Variants in PTPRO observed in about 807,000 individuals in gnomAD.
PTPRO encodes the protein receptor-type tyrosine-protein phosphatase O.
A neutral mutation model predicts 145.2 loss-of-function variants in PTPRO; 62 were observed. The ratio of observed to expected loss-of-function variants is 0.43; its 90% CI spans 0.35 to 0.53. The LOEUF is 0.53. PTPRO is among the 20% of genes least tolerant of loss of function. The pLI is 0.01. For synonymous variants in PTPRO, 565 were observed against 514.7 expected (o/e 1.10, Z -1.32); for missense variants, 1,345 against 1,482.7 (o/e 0.91, Z 1.53).
At chr12:15,512,196 C>G (rs1238582023) in intron 7 of PTPRO, among the ~76,000 whole-genome samples, 1 of 152,004 alleles carries the variant, frequency 6.6e-6, no homozygotes, top group Non-Finnish European at 1.5e-5. Context: ...CTCACTGCAA[C>G]CTCCACCTCC....
At chr12:15,405,410 T>A (rs1939619829) in intron 1 of PTPRO, among the ~76,000 whole-genome samples, 1 of 152,158 alleles carries the variant, frequency 6.6e-6, no homozygotes, top group Non-Finnish European at 1.5e-5. Flanking sequence ...CTTTTATCAT[T>A]TCAGTGTGGT....
At chr12:15,468,232 A>G (rs253818) in intron 1 of PTPRO, among the ~76,000 whole-genome samples, 3,189 of 152,192 alleles carry the variant, frequency 0.021, 120 homozygotes, top group East Asian at 0.14. Context: ...TCCACCCCCA[A>G]TAGGAATTCT....
At chr12:15,518,363 CA>C (rs1186884434) in intron 9 of PTPRO, among the ~76,000 whole-genome samples, 2 of 152,202 alleles carry the variant, frequency 1.3e-5, no homozygotes, top group Non-Finnish European at 2.9e-5. Context: ...GCCACAAAAC[CA>C]CATTTTCCTC....
At chr12:15,358,290 G>T (rs1020958158) in intron 1 of PTPRO, among the ~76,000 whole-genome samples, 2 of 149,304 alleles carry the variant, frequency 1.3e-5, no homozygotes, top group African/African-American at 4.9e-5. Flanking sequence ...GCTAAATGAC[G>T]AGTTAATGGG....
Position 15,516,809 on chromosome 12 carries a change from G to A in PTPRO, c.1632G>A (p.Thr544=), listed in dbSNP as rs751501495. The A allele has an allele frequency of 2.4e-5, 39 of 1,612,122 alleles. 1 individual carries two copies. The highest frequency in any genetic ancestry group is 1.8e-4 in the East Asian group (8 of 44,876). The part of the protein sequence containing the change: ...KDLMLYPLGP[T]AVVLSWTRPY... ...TAATGCTCTATCCTTTGGGTCCTAC[G>A]GCCGTGGTTCTGAGCTGGACCAGAC... The change falls in exon 9 of 27, where the codon ACG becomes ACA. Residue 544 remains threonine, a synonymous_variant. Coordinates refer to ENST00000281171, the MANE Select transcript of PTPRO (RefSeq NM_030667.3).
At chr12:15,454,312 G>A (rs1213073099) in intron 1 of PTPRO, among the ~76,000 whole-genome samples, 1 of 152,148 alleles carries the variant, frequency 6.6e-6, no homozygotes, top group African/African-American at 2.4e-5. Context: ...CTGATTGTAA[G>A]TGATGTTGAG....
rs770993845 is a variant in PTPRO at position 15,595,033 on chromosome 12, A to C, written c.3643A>C (p.Lys1215Gln). The C allele has an allele frequency of 1.2e-6, 2 of 1,613,136 alleles. No homozygotes were observed. Among genetic ancestry groups the C allele is most frequent in the Non-Finnish European group, 1.7e-6 (2 of 1,179,228 alleles). ...ISDVIYENVS[K>Q]S ...TGATGTCATATACGAGAATGTTAGC[A>C]AGTCCTAGTTCAGAATCCGGAGCAG... The change falls in exon 26 of 27, where the codon AAG becomes CAG. Residue 1215 changes from lysine (K) to glutamine (Q), a missense_variant. Lys to Gln is a moderately conservative substitution (Grantham distance 53, BLOSUM62 1). Coordinates refer to ENST00000281171, the MANE Select transcript of PTPRO (RefSeq NM_030667.3).
chr12:15,539,180 G>C (rs1943127065), intron 12 of PTPRO, among the ~76,000 whole-genome samples: 1 of 152,060 alleles, frequency 6.6e-6, no homozygotes, highest in Admixed American at 6.6e-5. Context: ...GAAGTGGGTG[G>C]ATGATGAGAA....
In PTPRO at chr12:15,515,611, T is replaced by C. The variant is rs755074605; in HGVS notation, c.1578T>C (p.Phe526=). 122 of 1,613,934 alleles carry C rather than the reference T, an allele frequency of 7.6e-5. No individual in the cohort carries two copies. The highest frequency in any genetic ancestry group is 4.5e-4 in the South Asian group (41 of 91,084). The change falls in exon 8 of 27, where the codon TTT becomes TTC. Residue 526 remains phenylalanine (F), a synonymous_variant. Transcript: ENST00000281171. ...GACCACCTTCAGATCCTGTGACATT[T>C]GCTATTGGTAAGTTGCTAGCCACAA... ...LIGPPSDPVT[F]AIVPTGIKDL...
chr12:15,575,697 G>A (rs1319651745), intron 19 of PTPRO, among the ~76,000 whole-genome samples: 6 of 152,124 alleles, frequency 3.9e-5, no homozygotes, highest in South Asian at 2.1e-4. Context: ...CACAATTGTC[G>A]TGGTTTAAAA....
At chr12:15,444,384 C>T (rs769744551) in intron 1 of PTPRO, among the ~76,000 whole-genome samples, 3 of 152,054 alleles carry the variant, frequency 2.0e-5, no homozygotes, top group East Asian at 1.9e-4. Flanking sequence ...CTGTTGGCTA[C>T]TGTGATTAAT....
At chr12:15,368,932 C>T (rs1173227852) in intron 1 of PTPRO, among the ~76,000 whole-genome samples, 1 of 152,152 alleles carries the variant, frequency 6.6e-6, no homozygotes, top group East Asian at 1.9e-4. Context: ...AACAACTTCT[C>T]ATTCTATGAG....
chr12:15,578,710 T>A, intron 19 of PTPRO, 143 bp from the exon 20 acceptor site: 1 of 695,128 alleles, frequency 1.4e-6, no homozygotes, highest in Non-Finnish European at 2.6e-6. Flanking sequence ...AAGTTGATGA[T>A]AGTGGGGTGG....
chr12:15,516,631 A>AGGGAGGG, intron 8 of PTPRO, 132 bp from the exon 9 acceptor site: 3 of 702,890 alleles, frequency 4.3e-6, no homozygotes, highest in Non-Finnish European at 7.3e-6. Context: ...GGAAGGAAGG[A>AGGGAGGG]AGGAAGGGAG....
chr12:15,588,024 T>C (rs1944466725), intron 24 of PTPRO, among the ~76,000 whole-genome samples: 1 of 152,256 alleles, frequency 6.6e-6, no homozygotes. Context: ...TTAGGGCAGA[T>C]ATTGTTGCTG....
intron 1 of PTPRO, among the ~76,000 whole-genome samples, chr12:15,331,433 C>A (rs1866605962): frequency 6.6e-6 from 1 of 152,200 alleles, no homozygotes; most frequent in Admixed American, 6.5e-5. Context: ...CAATTCTCCA[C>A]TATGCTATTT....
intron 1 of PTPRO, among the ~76,000 whole-genome samples, chr12:15,441,919 C>T (rs1297586013): frequency 6.6e-6 from 1 of 152,034 alleles, no homozygotes; most frequent in African/African-American, 2.4e-5. Context: ...CAAATTCTAC[C>T]AGATGTACAA....
intron 1 of PTPRO, among the ~76,000 whole-genome samples, chr12:15,442,677 G>A (rs2136362135): frequency 6.6e-6 from 1 of 152,120 alleles, no homozygotes; most frequent in Non-Finnish European, 1.5e-5. Context: ...ACAAAAATTA[G>A]TAGCAGTTTT....
chr12:15,380,419 G>C (rs969458220), intron 1 of PTPRO, among the ~76,000 whole-genome samples: 2 of 151,994 alleles, frequency 1.3e-5, no homozygotes, highest in Non-Finnish European at 2.9e-5. Context: ...AGAAGAAAAG[G>C]TGGATAGGGA....
Sources: allele counts gnomAD v4.1 joint callset (sites outside exome capture counted in the v4.1 genomes callset), GRCh38; gene constraint gnomAD v4.1.1; transcripts MANE v1.5; gene names NCBI Gene and HGNC (gene_info 2026-07-23, HGNC 2026-07-21).